Variants in TTN observed in about 807,000 individuals in gnomAD.
TTN encodes titin.
Under a neutral mutation model 3,223.0 loss-of-function variants are expected in TTN, and 1,525 were observed. The ratio of observed to expected loss-of-function variants is 0.47; its 90% CI spans 0.45 to 0.49. The LOEUF (loss-of-function observed/expected upper bound fraction) is 0.49. Ranked by LOEUF, TTN falls within the 20% of genes least tolerant of loss-of-function variation. TTN has a pLI of 0.00. For missense variants in TTN, 40,786 were observed against 43,424.0 expected (o/e 0.94, Z 5.40); for synonymous variants, 14,094 against 15,161.0 (o/e 0.93, Z 5.17).
Position 178,558,132 on chromosome 2 carries a change from G to A in TTN, c.87222C>T (p.Pro29074=), listed in dbSNP as rs1702224609. The change falls in exon 328 of 363, where the codon CCC becomes CCT. Residue 29074 remains proline (P), a synonymous_variant. Coordinates refer to ENST00000589042, the MANE Select transcript of TTN (RefSeq NM_001267550.2). The part of the protein sequence containing the change: ...VDIPISGKPL[P]KVTLSRDGVP... ...CACCATCTCTTGATAAGGTCACTTT[G>A]GGAAGTGGTTTTCCAGAGATTGGAA... The A allele has an allele frequency of 6.2e-7, 1 of 1,613,794 alleles. No individual in the cohort carries two copies. The highest frequency in any genetic ancestry group is 8.5e-7 in the Non-Finnish European group (1 of 1,179,808).
intron 89 of TTN, 38 bp downstream of exon 89, chr2:178,715,455 G>A (rs754692981): frequency 6.3e-7 from 1 of 1,576,002 alleles, no homozygotes; most frequent in Non-Finnish European, 8.6e-7. Context: ...TAAAGAGGAG[G>A]CTAATGTGAA....
Position 178,527,226 on chromosome 2 carries a change from G to T in TTN, c.107762C>A (p.Thr35921Lys), listed in dbSNP as rs749277200. 1 of 1,613,780 alleles carries T rather than the reference G, an allele frequency of 6.2e-7. No individual in the cohort carries two copies. The highest frequency in any genetic ancestry group is 8.5e-7 in the Non-Finnish European group (1 of 1,179,800). ...GKVLTVACAFTGEPTPEVTWS... is the reference protein window; with the variant it reads ...GKVLTVACAFKGEPTPEVTWS... ...TGTTACTTCTGGGGTAGGCTCACCC[G>T]TGAAAGCACAGGCTACTGTTAGAAC... Residue 35921 changes from threonine to lysine, a missense_variant, in exon 363 of 363, where the codon ACG becomes AAG. Thr to Lys is a moderately conservative substitution (Grantham distance 78, BLOSUM62 -1). Transcript: ENST00000589042.
intron 70 of TTN, 31 bp downstream of exon 70, chr2:178,725,737 C>G: frequency 6.4e-7 from 1 of 1,557,314 alleles, no homozygotes; most frequent in East Asian, 2.3e-5. Context: ...ACATTTATGA[C>G]ATTTCTGCCA....
chr2:178,588,969 A>C lies in TTN; in HGVS notation c.62756T>G (p.Leu20919Trp). ...MVWSTYSATV[L>W]TPGTTVTRLI... Reference sequence around the variant, plus strand: ...ACGTGTTACTGTAGTACCAGGTGTCAAGACAGTAGCAGAATAGGTAGACCA... The same window carrying C: ...ACGTGTTACTGTAGTACCAGGTGTCCAGACAGTAGCAGAATAGGTAGACCA... Residue 20919 changes from leucine to tryptophan, a missense_variant, in exon 304 of 363, where the codon TTG (leucine) becomes TGG (tryptophan). Leu to Trp is a moderately conservative substitution (Grantham distance 61). Transcript: ENST00000589042. The C allele has an allele frequency of 6.2e-7, 1 of 1,612,544 alleles. No individual in the cohort carries two copies. The highest frequency in any genetic ancestry group is 8.5e-7 in the Non-Finnish European group (1 of 1,179,386).
rs1575262566 is a variant in TTN, at chr2:178,533,308, A to G, written c.103307T>C (p.Val34436Ala). The G allele has an allele frequency of 6.2e-7, 1 of 1,613,690 alleles. No homozygotes were observed. Among genetic ancestry groups the G allele is most frequent in the Non-Finnish European group, 8.5e-7 (1 of 1,179,800 alleles). Residue 34436 changes from valine (V) to alanine (A), a missense_variant, in exon 358 of 363, where the codon GTC becomes GCC. Coordinates refer to ENST00000589042, the MANE Select transcript of TTN (RefSeq NM_001267550.2). The part of the protein sequence containing the change: ...TLPEDTGYYR[V>A]TATNTAGSTS... ...GGACCCAGCTGTGTTAGTGGCTGTG[A>G]CTCTATAATAACCCGTGTCTTCAGG...
chr2:178,721,402 TTTA>T (rs938408226), intron 78 of TTN, among the ~76,000 whole-genome samples, 200 bp from the exon 79 acceptor site: 1 of 151,926 alleles, frequency 6.6e-6, no homozygotes, highest in Admixed American at 6.6e-5. Flanking sequence ...TTTTTTAAAA[TTTA>T]TTATTATTAT....
chr2:178,547,246 T>C lies in TTN; in HGVS notation c.94279A>G (p.Ile31427Val). ...TCGTGGTAGGGTTCTTCCCAACGAA[T>C]AGACATGGCATTGGCAGACACATGG... Reference protein sequence around the residue: ...VYHVSANAMSIRWEEPYHDGG... With the variant: ...VYHVSANAMSVRWEEPYHDGG... The change falls in exon 340 of 363, where the codon ATT becomes GTT. Residue 31427 changes from isoleucine (I) to valine (V), a missense_variant. Physicochemically the swap from Ile to Val is conservative, Grantham distance 29 (BLOSUM62 3). Coordinates refer to ENST00000589042, the MANE Select transcript of TTN (RefSeq NM_001267550.2). 1 of 1,613,824 alleles carries C rather than the reference T, an allele frequency of 6.2e-7. No homozygotes were observed. The highest frequency in any genetic ancestry group is 1.1e-5 in the South Asian group (1 of 91,086).
At chr2:178,728,088 G>A in intron 67 of TTN, 22 bp downstream of exon 67, 1 of 1,531,464 alleles carries the variant, frequency 6.5e-7, no homozygotes, top group Non-Finnish European at 8.8e-7. Context: ...GAAGAATCAA[G>A]AAGAGGTAAA....
Position 178,593,275 on chromosome 2 carries a change from G to A in TTN, c.58933C>T (p.Leu19645=), listed in dbSNP as rs2303836. The change falls in exon 299 of 363, where the codon CTA becomes TTA. Residue 19645 remains leucine, a synonymous_variant. Coordinates refer to ENST00000589042, the MANE Select transcript of TTN (RefSeq NM_001267550.2). ...CGGAATTCATACTGACATCCTTCTA[G>A]AAGATCAGGAACCCTAAATTTAGTG... is the stretch of plus-strand genomic sequence containing the variant. ...PYTKFRVPDL[L]EGCQYEFRVS... 17,573 of 1,613,362 alleles carry A rather than the reference G, an allele frequency of 0.011. 1,485 individuals carry two copies. In the Admixed American group the frequency reaches 0.18, roughly 17 times the overall value.
chr2:178,607,317 G>A lies in TTN; in HGVS notation c.53288-3C>T. On this transcript the variant is annotated splice_polypyrimidine_tract_variant and splice_region_variant and intron_variant, in intron 277 of 362. Coordinates refer to ENST00000589042, the MANE Select transcript of TTN (RefSeq NM_001267550.2). ...GTCAAGAACTGGACCAGGGACATCT[G>A]AAAACAAAACAAAGCCAAAAATCAA... 6.2e-7 allele frequency: 1 copy of A among 1,611,992 alleles called. No homozygotes were observed. The highest frequency in any genetic ancestry group is 8.5e-7 in the Non-Finnish European group (1 of 1,179,140).
chr2:178,801,465 T>C lies in TTN; in HGVS notation c.295+673A>G, dbSNP rs75177963. ...TCTGCTTAGGTCAATTATAGCCCTA[T>C]AATTGAACATCATTGAAGGTAAAGT... is the stretch of plus-strand genomic sequence containing the variant. On this transcript the variant is annotated intron_variant, in intron 3 of 362. Transcript: ENST00000589042. Among the ~76,000 whole-genome samples, 25 of 152,358 alleles carry C rather than the reference T, an allele frequency of 1.6e-4. No homozygotes were observed. The East Asian group carries it at 4.8e-3, about 29-fold the overall frequency.
chr2:178,741,798 T>C lies in TTN; in HGVS notation c.11435A>G (p.Asp3812Gly). Residue 3812 changes from aspartate to glycine, a missense_variant, in exon 48 of 363, where the codon GAT (aspartate) becomes GGT (glycine). By Grantham distance (94) the Asp-to-Gly change is moderately conservative (BLOSUM62 -1). Coordinates refer to ENST00000589042, the MANE Select transcript of TTN (RefSeq NM_001267550.2). ...TGGGCCAGTGCCTTCCTTTTCGGAA[T>C]CAAATTTAGTTGGGTAAACTGGAGA... ...SESPVYPTKFDSEKEGTGPIF... is the reference protein window; with the variant it reads ...SESPVYPTKFGSEKEGTGPIF... 6.2e-7 allele frequency: 1 copy of C among 1,613,272 alleles called. No homozygotes were observed.
chr2:178,770,211 C>T lies in TTN; in HGVS notation c.8490G>A (p.Lys2830=), dbSNP rs768672643. The T allele has an allele frequency of 1.2e-6, 2 of 1,614,002 alleles. No homozygotes were observed. Among genetic ancestry groups the T allele is most frequent in the South Asian group, 2.2e-5 (2 of 91,072 alleles). The change falls in exon 36 of 363, where the codon AAG becomes AAA. Residue 2830 remains lysine (K), a synonymous_variant. Transcript: ENST00000589042. ...TGTCACTTGGCTTAATTTCCACACTCTTATGGAACCATTTTACTGGAACAG... is the reference window on the plus strand; with the variant it reads ...TGTCACTTGGCTTAATTTCCACACTTTTATGGAACCATTTTACTGGAACAG... ...HDTVPVKWFH[K]SVEIKPSDKH...
chr2:178,707,882 A>G (rs1386593929), intron 99 of TTN, 69 bp from the exon 100 acceptor site: 1 of 1,498,064 alleles, frequency 6.7e-7, no homozygotes, highest in Non-Finnish European at 8.9e-7. Context: ...CAAGAGAAAC[A>G]AATAAAGAGA....
In TTN at chr2:178,608,597, G is replaced by A. The variant is rs1347564732; in HGVS notation, c.52405+9C>T. On this transcript the variant is annotated intron_variant, in intron 274 of 362. Transcript: ENST00000589042. ...AAAAGGCAAACTTTAGATGCCAAAGGAAACTTACCAAATGGATCTTTAGCC... is the reference window on the plus strand; with the variant it reads ...AAAAGGCAAACTTTAGATGCCAAAGAAAACTTACCAAATGGATCTTTAGCC... The A allele has an allele frequency of 1.2e-6, 2 of 1,606,270 alleles. No homozygotes were observed. The highest frequency in any genetic ancestry group is 2.7e-5 in the African/African-American group (2 of 74,696).
rs762026317 is a variant in TTN at position 178,663,697 on chromosome 2, G to T, written c.36462C>A (p.Pro12154=). 3.7e-6 allele frequency: 6 copies of T among 1,613,448 alleles called. No individual in the cohort carries two copies. The African/African-American group carries it at 6.7e-5, about 18-fold the overall frequency. The part of the protein sequence containing the change: ...EVPPVKVPEP[P]KEVVPEKKAP... ...CTTTCTTTTCAGGAACTACTTCTTT[G>T]GGAGGCTCTGGTACTTAAAAGATAT... The change falls in exon 171 of 363, where the codon CCC becomes CCA. Residue 12154 remains proline (P), a synonymous_variant. Coordinates refer to ENST00000589042, the MANE Select transcript of TTN (RefSeq NM_001267550.2).
chr2:178,769,693 G>A lies in TTN; in HGVS notation c.8888C>T (p.Thr2963Ile), dbSNP rs1442214623. ...FVCGNDQVSA[T>I]LTVTPIMITS... is the part of the protein sequence containing the mutation. ...TTTTAACTTACGGGTGACTGTCAGG[G>A]TGGCACTGACTTGGTCATTGCCACA... The change falls in exon 37 of 363, where the codon ACC (threonine) becomes ATC (isoleucine). Residue 2963 changes from threonine to isoleucine, a missense_variant. Thr to Ile is a moderately conservative substitution (Grantham distance 89). Transcript: ENST00000589042. The A allele has an allele frequency of 6.2e-7, 1 of 1,613,274 alleles. No homozygotes were observed. The highest frequency in any genetic ancestry group is 8.5e-7 in the Non-Finnish European group (1 of 1,179,712).
At chr2:178,705,082 T>C in intron 103 of TTN, 92 bp downstream of exon 103, 2 of 1,575,936 alleles carry the variant, frequency 1.3e-6, no homozygotes, top group South Asian at 2.3e-5. Flanking sequence ...AATGACGTCA[T>C]ATAACTATAG....
In TTN at chr2:178,567,452, C is replaced by A. The variant is rs1706315809; in HGVS notation, c.78680G>T (p.Trp26227Leu). Residue 26227 changes from tryptophan to leucine, a missense_variant, in exon 326 of 363, where the codon TGG (tryptophan) becomes TTG (leucine). Transcript: ENST00000589042. Reference sequence around the variant, plus strand: ...TTCAATTTCCTTATCTCCTCTTAACCACTCAATGGTAGGTAGGGGCTTTCC... The same window carrying A: ...TTCAATTTCCTTATCTCCTCTTAACAACTCAATGGTAGGTAGGGGCTTTCC... ...VHGKPLPTIE[W>L]LRGDKEIEES... 2 of 1,612,690 alleles carry A rather than the reference C, an allele frequency of 1.2e-6. No homozygotes were observed. Among genetic ancestry groups the A allele is most frequent in the African/African-American group, 2.7e-5 (2 of 74,844 alleles).
Sources: allele counts gnomAD v4.1 joint callset (sites outside exome capture counted in the v4.1 genomes callset), GRCh38; gene constraint gnomAD v4.1.1; transcripts MANE v1.5; gene names NCBI Gene and HGNC (gene_info 2026-07-23, HGNC 2026-07-21).